TTC38: variants seen among roughly 807,000 people sequenced by gnomAD.
TTC38 encodes the protein tetratricopeptide repeat domain 38.
In TTC38, 64 loss-of-function variants were observed where a neutral mutation model predicts 64.2. That is an observed-to-expected ratio of 1.00 (90% CI 0.81 to 1.23). The LOEUF is 1.23. Among genes scored for constraint, TTC38 ranks in the 50% most tolerant of loss-of-function variants. The probability of loss-of-function intolerance (pLI) is 0.00; values close to 1 mark genes in which losing one functional copy is unlikely to be tolerated. For synonymous variants in TTC38, 254 were observed against 249.3 expected, an observed-to-expected ratio of 1.02 and a Z score of -0.18; for missense variants, 573 against 615.5, an observed-to-expected ratio of 0.93 and a Z score of 0.73.
chr22:46,286,374 G>A (rs1358249195), intron 9 of TTC38, among the ~76,000 whole-genome samples: 1 of 152,022 alleles, frequency 6.6e-6, no homozygotes, highest in Non-Finnish European at 1.5e-5. Flanking sequence ...AAGAAATGAA[G>A]GGTGGGCCGG....
At chr22:46,288,674 G>C (rs1222865669) in intron 11 of TTC38, 86 bp downstream of exon 11, 1 of 1,339,678 alleles carries the variant, frequency 7.5e-7, no homozygotes, top group East Asian at 2.5e-5. Context: ...GACCTGTTCA[G>C]TGCCTGCCCC....
rs1356757347 is a variant in TTC38 at position 46,273,774 on chromosome 22, A to G, written c.194-124A>G. The G allele has an allele frequency of 5.5e-6, 5 of 909,844 alleles. No homozygotes were observed. The highest frequency in any genetic ancestry group is 1.7e-5 in the African/African-American group (1 of 60,088). The allele number at this position is 909,844 out of a possible 1,614,324, so 56.4% of individuals were successfully genotyped here. On this transcript the variant is annotated intron_variant, in intron 3 of 13. Transcript: ENST00000381031. This position sits in a 1 kb window ranked among gnomAD's most constrained non-coding sequence, Gnocchi z 5.1. Reference sequence around the variant, plus strand: ...GACAGTAGGCAGGGCCACAGTGCCCAGCCTGCTGCTGCCTGGCTGGCCCCT... The same window carrying G: ...GACAGTAGGCAGGGCCACAGTGCCCGGCCTGCTGCTGCCTGGCTGGCCCCT...
chr22:46,285,009 C>T lies in TTC38; in HGVS notation c.796-232C>T, dbSNP rs112358353. On this transcript the variant is annotated intron_variant, in intron 8 of 13. Coordinates refer to ENST00000381031, the MANE Select transcript of TTC38 (RefSeq NM_017931.4). ...ACAGCAACTGTTTCTTCAGTGGTGG[C>T]GGCACAGGTGCTGCTGTGCTTTCTA... Among the ~76,000 whole-genome samples, 1,480 of 152,086 alleles carry T rather than the reference C, an allele frequency of 9.7e-3. 23 individuals are homozygous for T. Among genetic ancestry groups the T allele is most frequent in the African/African-American group, 0.034 (1,404 of 41,470 alleles).
At chr22:46,287,188 T>C in intron 10 of TTC38, 34 bp downstream of exon 10, 1 of 1,561,708 alleles carries the variant, frequency 6.4e-7, no homozygotes, top group South Asian at 1.1e-5. Flanking sequence ...GGCTTCTGCC[T>C]CTTCCTCCCA....
rs193034773 is a variant in TTC38, at chr22:46,271,902, A to G, written c.112-433A>G. Among the ~76,000 whole-genome samples, 1 of 152,314 alleles carries G rather than the reference A, an allele frequency of 6.6e-6. No individual in the cohort carries two copies. The highest frequency in any genetic ancestry group is 6.5e-5 in the Admixed American group (1 of 15,312). On this transcript the variant is annotated intron_variant, in intron 2 of 13. Coordinates refer to ENST00000381031, the MANE Select transcript of TTC38 (RefSeq NM_017931.4). The surrounding 1 kb of genome is among the most constrained non-coding windows in gnomAD (Gnocchi z 5.5). ...GGTGATGTGTATTTCATTTCTTCGT[A>G]TGAAGAAAGTTATCAGCCAGGTTAT...
At chr22:46,289,703 C>G (rs1601886342) in intron 12 of TTC38, 123 bp from the exon 13 acceptor site, 1 of 1,464,880 alleles carries the variant, frequency 6.8e-7, no homozygotes, top group African/African-American at 1.4e-5. Flanking sequence ...CGTGTAAGTT[C>G]GTCGTTGAGG....
chr22:46,275,888 C>G lies in TTC38; in HGVS notation c.539+467C>G, dbSNP rs1430891236. Among the ~76,000 whole-genome samples the G allele has an allele frequency of 6.6e-6, 1 of 152,086 alleles. No individual in the cohort carries two copies. The highest frequency in any genetic ancestry group is 1.9e-4 in the East Asian group (1 of 5,188). On this transcript the variant is annotated intron_variant, in intron 5 of 13. Coordinates refer to ENST00000381031, the MANE Select transcript of TTC38 (RefSeq NM_017931.4). This position sits in a 1 kb window ranked among gnomAD's most constrained non-coding sequence, Gnocchi z 4.5. ...TTAAAGGTTTAGAATGAAAGGATAC[C>G]CTGCCACTCCCAAGTCATTGGCCAG...
chr22:46,277,084 CAT>C lies in TTC38; in HGVS notation c.540-1500_540-1499del, dbSNP rs914641147. Reference sequence around the variant, plus strand: ...ACACACACACACACACACACACACACATACATTTTAAAGATAACTCTGGAAGC... The same window carrying C: ...ACACACACACACACACACACACACACACATTTTAAAGATAACTCTGGAAGC... On this transcript the variant is annotated intron_variant, in intron 5 of 13. Coordinates refer to ENST00000381031, the MANE Select transcript of TTC38 (RefSeq NM_017931.4). 6.4e-4 allele frequency among the ~76,000 whole-genome samples: 89 copies of C among 139,692 alleles called. 1 individual carries two copies. Among genetic ancestry groups the C allele is most frequent in the African/African-American group, 1.1e-3 (41 of 38,806 alleles). 91.6% of individuals were successfully genotyped at this position (139,692 alleles called of 152,430 possible).
chr22:46,268,600 G>A lies in TTC38; in HGVS notation c.111+9G>A, dbSNP rs536039560. On this transcript the variant is annotated intron_variant, in intron 2 of 13. Coordinates refer to ENST00000381031, the MANE Select transcript of TTC38 (RefSeq NM_017931.4). ...ATGCCACGCTGACCCAGGTATGCCT[G>A]CCGAGAGAGGCCGCGGCCCCTTCTG... The A allele has an allele frequency of 6.8e-6, 11 of 1,613,538 alleles. No individual in the cohort carries two copies. In the East Asian group the frequency reaches 1.8e-4, roughly 26 times the overall value.
Position 46,291,129 on chromosome 22 carries a change from C to T in TTC38, c.1316+1230C>T, listed in dbSNP as rs893192731. Among the ~76,000 whole-genome samples, 1 of 152,202 alleles carries T rather than the reference C, an allele frequency of 6.6e-6. No homozygotes were observed. The highest frequency in any genetic ancestry group is 1.5e-5 in the Non-Finnish European group (1 of 68,044). On this transcript the variant is annotated intron_variant, in intron 13 of 13. Transcript: ENST00000381031. This position sits in a 1 kb window ranked among gnomAD's most constrained non-coding sequence, Gnocchi z 4.6. ...CAGGTCTGGCTGGCAGCACTGGAAC[C>T]GCCTAGAACTGTAAAATGTCTTGGA...
At position 46,275,855 on chromosome 22, in the gene TTC38, A is replaced by C. The variant is rs575315679; in HGVS notation, c.539+434A>C. Among the ~76,000 whole-genome samples, 5 of 152,172 alleles carry C rather than the reference A, an allele frequency of 3.3e-5. No homozygotes were observed. The highest frequency in any genetic ancestry group is 7.4e-5 in the Non-Finnish European group (5 of 68,024). On this transcript the variant is annotated intron_variant, in intron 5 of 13. Coordinates refer to ENST00000381031, the MANE Select transcript of TTC38 (RefSeq NM_017931.4). This position sits in a 1 kb window ranked among gnomAD's most constrained non-coding sequence, Gnocchi z 4.5. Reference sequence around the variant, plus strand: ...AGCAAGCTTTCCTTGGGGGGCTTACAATGGCAATTAAAGGTTTAGAATGAA... The same window carrying C: ...AGCAAGCTTTCCTTGGGGGGCTTACCATGGCAATTAAAGGTTTAGAATGAA...
At chr22:46,287,229 C>T in intron 10 of TTC38, 75 bp downstream of exon 10, 4 of 1,387,454 alleles carry the variant, frequency 2.9e-6, no homozygotes, top group Middle Eastern at 1.9e-4. Context: ...GTGGCCTAGG[C>T]CCAGGGTTGG....
rs1429294017 is a variant in TTC38, at chr22:46,272,976, C to T, written c.193+560C>T. On this transcript the variant is annotated intron_variant, in intron 3 of 13. Transcript: ENST00000381031. The surrounding 1 kb of genome is among the most constrained non-coding windows in gnomAD (Gnocchi z 6.4). ...GTGGTCCCGTGGTGCGGCAAGGTTCCGGGCCTGGGAGAAGGTCTGATGAGG... is the reference window on the plus strand; with the variant it reads ...GTGGTCCCGTGGTGCGGCAAGGTTCTGGGCCTGGGAGAAGGTCTGATGAGG... Among the ~76,000 whole-genome samples, 10 of 152,190 alleles carry T rather than the reference C, an allele frequency of 6.6e-5. No individual in the cohort carries two copies. Among genetic ancestry groups the T allele is most frequent in the Non-Finnish European group, 1.0e-4 (7 of 68,030 alleles).
chr22:46,286,526 T>A (rs2077572710), intron 9 of TTC38, among the ~76,000 whole-genome samples: 1 of 151,966 alleles, frequency 6.6e-6, no homozygotes, highest in Non-Finnish European at 1.5e-5. Context: ...CTGCATGTGG[T>A]GGTGGGCACC....
intron 5 of TTC38, 37 bp from the exon 6 acceptor site, chr22:46,278,549 T>A (rs2077509963): frequency 6.4e-7 from 1 of 1,565,960 alleles, no homozygotes; most frequent in Non-Finnish European, 8.8e-7. Context: ...TACCCATCCA[T>A]CATTTTGTAT....
At chr22:46,284,886 A>T (rs888807353) in intron 8 of TTC38, among the ~76,000 whole-genome samples, 1 of 151,766 alleles carries the variant, frequency 6.6e-6, no homozygotes, top group Admixed American at 6.6e-5. Flanking sequence ...AAAAAAAAAA[A>T]AAAAGAAAAA....
chr22:46,287,388 G>A (rs115512886), intron 10 of TTC38, among the ~76,000 whole-genome samples: 2,274 of 152,344 alleles, frequency 0.015, 46 homozygotes, highest in African/African-American at 0.05. Context: ...ACCGCTCCTC[G>A]ATGTGGACGC....
At position 46,293,203 on chromosome 22, in the gene TTC38, C is replaced by A; in HGVS notation, c.*319C>A. The A allele has an allele frequency of 3.1e-6, 1 of 327,458 alleles. No homozygotes were observed. 20.3% of individuals were successfully genotyped at this position (327,458 alleles called of 1,614,324 possible). A position where few individuals can be genotyped will look rare whatever the true frequency, so the allele number is the denominator to read the frequency against. On this transcript the variant is annotated 3_prime_UTR_variant, in exon 14 of 14. Transcript: ENST00000381031. The surrounding 1 kb of genome is among the most constrained non-coding windows in gnomAD (Gnocchi z 6.6). ...GCCTGGTGGTTCAAAGGTTGGAAGG[C>A]AGGGCAGAGGTGGGGGCTGATTCTG...
At position 46,281,684 on chromosome 22, in the gene TTC38, T is replaced by C; in HGVS notation, c.701T>C (p.Leu234Ser). The change falls in exon 7 of 14, where the codon TTG (leucine) becomes TCG (serine). Residue 234 changes from leucine to serine, a missense_variant. Coordinates refer to ENST00000381031, the MANE Select transcript of TTC38 (RefSeq NM_017931.4). The surrounding 1 kb of genome is among the most constrained non-coding windows in gnomAD (Gnocchi z 5.2). The stretch of plus-strand genomic sequence containing the variant: ...ATGAAAGCAGAGATCAAGGATGGGT[T>C]GGAATTCATGCAGCACTCAGAGACC... The part of the protein sequence containing the change: ...HEMKAEIKDG[L>S]EFMQHSETFW... 1 of 1,614,118 alleles carries C rather than the reference T, an allele frequency of 6.2e-7. No homozygotes were observed. Among genetic ancestry groups the C allele is most frequent in the Non-Finnish European group, 8.5e-7 (1 of 1,180,040 alleles).
Sources: gnomAD v4.1 joint callset for allele counts (sites outside exome capture counted in the v4.1 genomes callset) on GRCh38, gnomAD v4.1.1 for gene constraint, Gnocchi (gnomAD v3.1) non-coding constraint, MANE v1.5 for transcripts, NCBI Gene and HGNC (gene_info 2026-07-23, HGNC 2026-07-21) for gene names.